The following SCFD2 variants were observed in gnomAD, a reference collection of about 807,000 sequenced individuals.
SCFD2 encodes sec1 family domain containing 2.
A neutral mutation model predicts 58.9 loss-of-function variants in SCFD2; 54 were observed. The observed-to-expected ratio is 0.92, with a 90% CI of 0.74 to 1.15. SCFD2 has a LOEUF of 1.15. SCFD2 is among the 50% of genes most tolerant of loss of function. SCFD2 has a pLI of 0.00. For synonymous variants in SCFD2, 321 were observed against 335.9 expected, an observed-to-expected ratio of 0.96 and a Z score of 0.49; for missense variants, 805 against 836.6, an observed-to-expected ratio of 0.96 and a Z score of 0.47.
intron 5 of SCFD2, among the ~76,000 whole-genome samples, chr4:52,934,294 C>T (rs915715434): frequency 6.6e-5 from 10 of 152,086 alleles, no homozygotes; most frequent in Non-Finnish European, 1.5e-4. Context: ...CCATGTGTTG[C>T]CCCCCAAGTT....
chr4:53,281,015 C>T (rs1183609583), intron 3 of SCFD2, among the ~76,000 whole-genome samples: 1 of 152,192 alleles, frequency 6.6e-6, no homozygotes, highest in Non-Finnish European at 1.5e-5. Context: ...ATGAAGCACC[C>T]ATTCATCCTT....
intron 4 of SCFD2, among the ~76,000 whole-genome samples, chr4:53,238,755 A>G (rs1729779627): frequency 1.4e-5 from 2 of 139,692 alleles, no homozygotes; most frequent in Admixed American, 7.2e-5. Flanking sequence ...CCCACATCTC[A>G]GACGATGGGC....
chr4:52,974,881 C>T (rs958757020), intron 5 of SCFD2, among the ~76,000 whole-genome samples: 1 of 150,116 alleles, frequency 6.7e-6, no homozygotes, highest in East Asian at 1.9e-4. Flanking sequence ...CTACAACCAT[C>T]TGATCTTTGA....
chr4:53,241,836 C>T (rs997784483), intron 4 of SCFD2, among the ~76,000 whole-genome samples: 4 of 152,234 alleles, frequency 2.6e-5, no homozygotes, highest in African/African-American at 7.2e-5. Flanking sequence ...CAGCACCCCA[C>T]CCCTGTGCCA....
intron 4 of SCFD2, among the ~76,000 whole-genome samples, chr4:53,263,706 C>T (rs1168378271): frequency 2.0e-5 from 3 of 152,170 alleles, no homozygotes. Flanking sequence ...TTGTTTAGCG[C>T]ACTGTTTTCT....
At chr4:53,113,670 T>C (rs1299118041) in intron 5 of SCFD2, among the ~76,000 whole-genome samples, 1 of 152,042 alleles carries the variant, frequency 6.6e-6, no homozygotes, top group African/African-American at 2.4e-5. Flanking sequence ...CCTACTAGAA[T>C]GTAGCCTCCA....
At chr4:53,032,504 T>C (rs1722639782) in intron 5 of SCFD2, among the ~76,000 whole-genome samples, 1 of 152,108 alleles carries the variant, frequency 6.6e-6, no homozygotes, top group African/African-American at 2.4e-5. Flanking sequence ...GCAAATTGGA[T>C]AAAGAGTCAA....
At chr4:53,213,222 A>T (rs1728680618) in intron 4 of SCFD2, among the ~76,000 whole-genome samples, 1 of 152,138 alleles carries the variant, frequency 6.6e-6, no homozygotes. Context: ...TCTCCAGTAT[A>T]AGCAAAAAGA....
intron 6 of SCFD2, among the ~76,000 whole-genome samples, chr4:52,919,782 A>G (rs1448989140): frequency 6.6e-6 from 1 of 152,232 alleles, no homozygotes; most frequent in Non-Finnish European, 1.5e-5. Flanking sequence ...AATACAGGAT[A>G]CTGGAGGAAG....
intron 5 of SCFD2, chr4:52,950,505 T>C (rs977138746): frequency 5.9e-5 from 9 of 152,224 alleles, no homozygotes; most frequent in Admixed American, 3.9e-4. Context: ...AGGGAATCTA[T>C]GTTTTACCCT....
intron 7 of SCFD2, among the ~76,000 whole-genome samples, chr4:52,896,231 C>T (rs1292618243): frequency 6.6e-6 from 1 of 152,140 alleles, no homozygotes; most frequent in Non-Finnish European, 1.5e-5. Flanking sequence ...ACATGAAGTC[C>T]TTGCCCATGC....
At chr4:53,031,423 A>G (rs560043305) in intron 5 of SCFD2, among the ~76,000 whole-genome samples, 1 of 152,332 alleles carries the variant, frequency 6.6e-6, no homozygotes, top group South Asian at 2.1e-4. Flanking sequence ...TTGACGTAGA[A>G]TAAGTTTGAC....
intron 4 of SCFD2, among the ~76,000 whole-genome samples, chr4:53,194,980 G>T (rs1286455509): frequency 6.6e-6 from 1 of 152,186 alleles, no homozygotes. Context: ...AGGATTATAG[G>T]TTACAGATGT....
At chr4:53,180,671 CAG>C (rs1187094654) in intron 4 of SCFD2, among the ~76,000 whole-genome samples, 7 of 151,980 alleles carry the variant, frequency 4.6e-5, no homozygotes, top group Non-Finnish European at 1.0e-4. Context: ...CTGAAGGAAA[CAG>C]AGACACAAAA....
At chr4:52,969,778 G>T (rs1721050860) in intron 5 of SCFD2, among the ~76,000 whole-genome samples, 1 of 152,144 alleles carries the variant, frequency 6.6e-6, no homozygotes, top group African/African-American at 2.4e-5. Flanking sequence ...AATTTGAGTT[G>T]TGTTTAGCCC....
At chr4:53,308,175 A>G (rs947541488) in intron 3 of SCFD2, among the ~76,000 whole-genome samples, 2 of 152,342 alleles carry the variant, frequency 1.3e-5, no homozygotes, top group Middle Eastern at 3.4e-3. Context: ...AATTTATACT[A>G]TTGGGAGCAT....
At chr4:52,900,598 T>C (rs1441564722) in intron 7 of SCFD2, among the ~76,000 whole-genome samples, 1 of 152,212 alleles carries the variant, frequency 6.6e-6, no homozygotes, top group Admixed American at 6.5e-5. Flanking sequence ...AGGGACCCAC[T>C]TGAGGAGGCA....
intron 5 of SCFD2, among the ~76,000 whole-genome samples, chr4:53,019,256 T>C: frequency 6.6e-6 from 1 of 152,184 alleles, no homozygotes. Context: ...ATAGTAAATC[T>C]TATAATACAA....
intron 4 of SCFD2, among the ~76,000 whole-genome samples, chr4:53,193,687 GA>G (rs1231794836): frequency 1.3e-5 from 2 of 152,126 alleles, no homozygotes; most frequent in Admixed American, 1.3e-4. Context: ...GTTTAAGGGG[GA>G]AAAGAAAAGT....
Sources: gnomAD v4.1 joint callset for allele counts (sites outside exome capture counted in the v4.1 genomes callset) on GRCh38, gnomAD v4.1.1 for gene constraint, MANE v1.5 for transcripts, NCBI Gene and HGNC (gene_info 2026-07-23, HGNC 2026-07-21) for gene names.